Variants in HTRA3 observed in about 807,000 individuals in gnomAD.
HTRA3 encodes HtrA serine peptidase 3.
Under a neutral mutation model 43.2 loss-of-function variants are expected in HTRA3, and 41 were observed. That is an observed-to-expected ratio of 0.95 (90% CI 0.74 to 1.23). The LOEUF is 1.23. Among genes scored for constraint, HTRA3 ranks in the 50% most tolerant of loss-of-function variants. The pLI, the probability that HTRA3 is intolerant of heterozygous loss-of-function variation, is 0.00. For missense variants in HTRA3, 628 were observed against 647.1 expected, an observed-to-expected ratio of 0.97 and a Z score of 0.32; for synonymous variants, 295 against 287.9, an observed-to-expected ratio of 1.02 and a Z score of -0.25.
intron 2 of HTRA3, among the ~76,000 whole-genome samples, chr4:8,285,271 G>C (rs1160978023): frequency 6.6e-6 from 1 of 152,158 alleles, no homozygotes; most frequent in African/African-American, 2.4e-5. Flanking sequence ...CTCTTGGCAG[G>C]GATACAGCTC....
At chr4:8,282,971 G>A (rs1199619280) in intron 2 of HTRA3, among the ~76,000 whole-genome samples, 2 of 152,134 alleles carry the variant, frequency 1.3e-5, no homozygotes, top group Non-Finnish European at 2.9e-5. Context: ...CCGGGGGCTC[G>A]GGAGGCCTCA....
chr4:8,292,819 G>T (rs535127760), intron 5 of HTRA3, among the ~76,000 whole-genome samples: 1 of 152,140 alleles, frequency 6.6e-6, no homozygotes, highest in African/African-American at 2.4e-5. Flanking sequence ...CTGAAGGATC[G>T]GACGGTCCCA....
chr4:8,272,427 A>T (rs148460763), intron 1 of HTRA3, among the ~76,000 whole-genome samples: 1 of 152,116 alleles, frequency 6.6e-6, no homozygotes, highest in East Asian at 1.9e-4. Context: ...CTGAGGCCTC[A>T]GTGCTCCGGG....
Position 8,270,013 on chromosome 4 carries a change from G to GCTGGCC in HTRA3, c.47_52dup (p.Leu16_Ala17dup), listed in dbSNP as rs1305439984. ...TCCTGGCCGCGTTGGCCGCGCTGGC[G>GCTGGCC]CTGGCCCGGGAGCCCCCTGCGGCGC... is the stretch of plus-strand genomic sequence containing the variant. On this transcript the variant is annotated inframe_insertion, in exon 1 of 9. Coordinates refer to ENST00000307358, the MANE Select transcript of HTRA3 (RefSeq NM_053044.5). 1.5e-6 allele frequency: 2 copies of GCTGGCC among 1,297,684 alleles called. No homozygotes were observed. Among genetic ancestry groups the GCTGGCC allele is most frequent in the African/African-American group, 3.1e-5 (2 of 64,198 alleles). The allele number at this position is 1,297,684 out of a possible 1,614,324, so 80.4% of individuals were successfully genotyped here.
At chr4:8,277,205 G>T (rs560899084) in intron 1 of HTRA3, among the ~76,000 whole-genome samples, 2 of 152,174 alleles carry the variant, frequency 1.3e-5, no homozygotes, top group African/African-American at 2.4e-5. Context: ...GGCTCGGTGG[G>T]GCAAAGTTCA....
intron 1 of HTRA3, 66 bp from the exon 2 acceptor site, chr4:8,282,371 A>G (rs1310401876): frequency 8.0e-7 from 1 of 1,257,162 alleles, no homozygotes; most frequent in Admixed American, 1.9e-5. Flanking sequence ...CCCACTGGGC[A>G]TAGGCCTCTG....
chr4:8,298,474 T>C (rs77448407), intron 6 of HTRA3, among the ~76,000 whole-genome samples: 2,186 of 152,254 alleles, frequency 0.014, 43 homozygotes, highest in African/African-American at 0.05. Flanking sequence ...ATTCTCTGAA[T>C]AGTGTTTTTA....
At position 8,270,076 on chromosome 4, in the gene HTRA3, C is replaced by T. The variant is rs1331114317; in HGVS notation, c.108C>T (p.Ser36=). The T allele has an allele frequency of 2.0e-6, 3 of 1,519,232 alleles. No homozygotes were observed. The highest frequency in any genetic ancestry group is 2.7e-5 in the East Asian group (1 of 36,376). 94.1% of individuals were successfully genotyped at this position (1,519,232 alleles called of 1,614,324 possible). A position where few individuals can be genotyped will look rare whatever the true frequency, so the allele number is the denominator to read the frequency against. The change falls in exon 1 of 9, where the codon AGC becomes AGT. Residue 36 remains serine (S), a synonymous_variant. Coordinates refer to ENST00000307358, the MANE Select transcript of HTRA3 (RefSeq NM_053044.5). The part of the protein sequence containing the change: ...PARCDVSRCP[S]PRCPGGYVPD... ...GCTGCGACGTGTCGCGGTGTCCCAG[C>T]CCCCGCTGCCCCGGCGGCTACGTGC...
rs528115462 is a variant in HTRA3, at chr4:8,270,072, C to G, written c.104C>G (p.Pro35Arg). ...CPARCDVSRC[P>R]SPRCPGGYVP... ...GCGCGCTGCGACGTGTCGCGGTGTC[C>G]CAGCCCCCGCTGCCCCGGCGGCTAC... The change falls in exon 1 of 9, where the codon CCC (proline) becomes CGC (arginine). Residue 35 changes from proline (P) to arginine (R), a missense_variant. Pro to Arg is a moderately radical substitution (Grantham distance 103). Transcript: ENST00000307358. 1.8e-5 allele frequency: 27 copies of G among 1,516,086 alleles called. No homozygotes were observed. In the African/African-American group the frequency reaches 3.9e-4, roughly 22 times the overall value. The allele number at this position is 1,516,086 out of a possible 1,614,324, so 93.9% of individuals were successfully genotyped here. A position where few individuals can be genotyped will look rare whatever the true frequency, so the allele number is the denominator to read the frequency against.
intron 7 of HTRA3, among the ~76,000 whole-genome samples, chr4:8,303,279 C>T (rs144285915): frequency 3.1e-4 from 47 of 152,284 alleles, no homozygotes; most frequent in African/African-American, 1.1e-3. Context: ...GTGGTGGGAC[C>T]GCCCCACCCC....
In HTRA3 at chr4:8,306,170, C is replaced by A; in HGVS notation, c.*34C>A. Reference sequence around the variant, plus strand: ...TTCCTCCAGCGCCAAGCGTCAGAGCCTGCAGACAACGGAGGGCAGCGCCCC... The same window carrying A: ...TTCCTCCAGCGCCAAGCGTCAGAGCATGCAGACAACGGAGGGCAGCGCCCC... On this transcript the variant is annotated 3_prime_UTR_variant, in exon 9 of 9. Coordinates refer to ENST00000307358, the MANE Select transcript of HTRA3 (RefSeq NM_053044.5). The surrounding 1 kb of genome is among the most constrained non-coding windows in gnomAD (Gnocchi z 8.9). 1 of 1,537,024 alleles carries A rather than the reference C, an allele frequency of 6.5e-7. No individual in the cohort carries two copies.
At position 8,297,763 on chromosome 4, in the gene HTRA3, A is replaced by G. The variant is rs1377959935; in HGVS notation, c.1051+3562A>G. Among the ~76,000 whole-genome samples the G allele has an allele frequency of 6.6e-6, 1 of 151,820 alleles. No homozygotes were observed. Among genetic ancestry groups the G allele is most frequent in the East Asian group, 1.9e-4 (1 of 5,154 alleles). On this transcript the variant is annotated intron_variant, in intron 6 of 8. Transcript: ENST00000307358. This position sits in a 1 kb window ranked among gnomAD's most constrained non-coding sequence, Gnocchi z 5.8. Reference sequence around the variant, plus strand: ...CCCTGGATTTAGAAGCCACCTAGAGAGTGATCCCCCGGATTTACGCCTCCA... The same window carrying G: ...CCCTGGATTTAGAAGCCACCTAGAGGGTGATCCCCCGGATTTACGCCTCCA...
intron 6 of HTRA3, 82 bp from the exon 7 acceptor site, chr4:8,302,381 T>G: frequency 7.6e-7 from 1 of 1,310,394 alleles, no homozygotes; most frequent in Non-Finnish European, 1.1e-6. Flanking sequence ...CAGGGGAACT[T>G]CTGTCCTCTG....
intron 1 of HTRA3, among the ~76,000 whole-genome samples, chr4:8,280,460 G>A (rs1712698178): frequency 6.6e-6 from 1 of 152,188 alleles, no homozygotes. Flanking sequence ...CTCTACTTGG[G>A]TGCTAGAAAA....
chr4:8,280,963 C>A (rs1202129948), intron 1 of HTRA3, among the ~76,000 whole-genome samples: 1 of 150,792 alleles, frequency 6.6e-6, no homozygotes, highest in Non-Finnish European at 1.5e-5. Context: ...GTGGGGGCAC[C>A]CAGGGAAAGG....
In HTRA3 at chr4:8,304,228, T is replaced by C. The variant is rs769686053; in HGVS notation, c.1145T>C (p.Val382Ala). Residue 382 changes from valine (V) to alanine (A), a missense_variant, in exon 8 of 9, where the codon GTC (valine) becomes GCC (alanine). Coordinates refer to ENST00000307358, the MANE Select transcript of HTRA3 (RefSeq NM_053044.5). ...GCCAGCAACCCGGACTTCCCAGAGG[T>C]CAGCAGTGGAATTTATGTGCAAGAG... ...LKASNPDFPE[V>A]SSGIYVQEVA... The C allele has an allele frequency of 2.5e-6, 4 of 1,613,972 alleles. No individual in the cohort carries two copies. The African/African-American group carries it at 5.3e-5, about 22-fold the overall frequency.
At position 8,279,652 on chromosome 4, in the gene HTRA3, A is replaced by T. The variant is rs1712665266; in HGVS notation, c.386-2785A>T. ...GCAGCCTTTTCTAATCACCTGTGGGAGGAGAGGTGCTGCCATTCCTCCTTC... is the reference window on the plus strand; with the variant it reads ...GCAGCCTTTTCTAATCACCTGTGGGTGGAGAGGTGCTGCCATTCCTCCTTC... On this transcript the variant is annotated intron_variant, in intron 1 of 8. Transcript: ENST00000307358. This position sits in a 1 kb window ranked among gnomAD's most constrained non-coding sequence, Gnocchi z 7.4. Among the ~76,000 whole-genome samples the T allele has an allele frequency of 6.6e-6, 1 of 152,082 alleles. No homozygotes were observed. Among genetic ancestry groups the T allele is most frequent in the Non-Finnish European group, 1.5e-5 (1 of 68,000 alleles).
rs777177007 is a variant in HTRA3, at chr4:8,291,402, G to A, written c.741G>A (p.Ser247=). The A allele has an allele frequency of 6.2e-6, 10 of 1,613,562 alleles. No individual in the cohort carries two copies. Among genetic ancestry groups the A allele is most frequent in the South Asian group, 4.4e-5 (4 of 91,078 alleles). ...KKLPVLLLGH[S]ADLRPGEFVV... ...TCCCTGTGTTGTTGCTGGGTCACTC[G>A]GCCGACCTGCGGCCTGGGGAGTTTG... is the stretch of plus-strand genomic sequence containing the variant. The change falls in exon 4 of 9, where the codon TCG becomes TCA. Residue 247 remains serine, a synonymous_variant. Coordinates refer to ENST00000307358, the MANE Select transcript of HTRA3 (RefSeq NM_053044.5).
chr4:8,299,520 A>G (rs1713565887), intron 6 of HTRA3, among the ~76,000 whole-genome samples: 2 of 152,186 alleles, frequency 1.3e-5, no homozygotes, highest in Admixed American at 1.3e-4. Flanking sequence ...TATTGAATGA[A>G]AGGGGTAAGA....
Sources: gnomAD v4.1 joint callset for allele counts (sites outside exome capture counted in the v4.1 genomes callset) on GRCh38, gnomAD v4.1.1 for gene constraint, Gnocchi (gnomAD v3.1) non-coding constraint, MANE v1.5 for transcripts, NCBI Gene and HGNC (gene_info 2026-07-23, HGNC 2026-07-21) for gene names.